COL20A1: variants seen among roughly 807,000 people sequenced by gnomAD.
COL20A1 encodes collagen alpha-1(XX) chain.
COL20A1 carries 164 observed loss-of-function variants against 152.9 expected under a neutral mutation model. The observed-to-expected ratio is 1.07, with a 90% CI of 0.94 to 1.22. The LOEUF is 1.22. Ranked by LOEUF, COL20A1 falls within the 50% of genes most tolerant of loss-of-function variation. COL20A1 has a pLI of 0.00. For missense variants in COL20A1, 1,873 were observed against 1,744.8 expected (o/e 1.07, Z -1.31); for synonymous variants, 864 against 756.0 (o/e 1.14, Z -2.34).
At chr20:63,297,046 C>T (rs2123370181) in intron 2 of COL20A1, among the ~76,000 whole-genome samples, 1 of 152,354 alleles carries the variant, frequency 6.6e-6, no homozygotes, top group South Asian at 2.1e-4. Flanking sequence ...ACCCATCCCC[C>T]ATCGCGGGAG....
Position 63,331,544 on chromosome 20 carries a change from C to T in COL20A1, c.*828C>T, listed in dbSNP as rs117413284. ...CTCTGCCCAGGTCTCTCCCAACCAT[C>T]ACAGACGCTGTGTGAGCCTGGACTT... On this transcript the variant is annotated 3_prime_UTR_variant, in exon 36 of 36. Transcript: ENST00000358894. 0.041 allele frequency: 6,212 copies of T among 152,436 alleles called. 189 individuals are homozygous for T. Among genetic ancestry groups the T allele is most frequent in the Non-Finnish European group, 0.063 (4,290 of 68,098 alleles). 9.4% of individuals were successfully genotyped at this position (152,436 alleles called of 1,614,324 possible).
Position 63,328,335 on chromosome 20 carries a change from C to T in COL20A1, c.3618C>T (p.His1206=), listed in dbSNP as rs2273495. ...TLYQLVSQAS[H]VSKFDSFHEN... is the part of the protein sequence containing the mutation. The stretch of plus-strand genomic sequence containing the variant: ...TGACACCCCTCCTCCCCACAGCACA[C>T]GTGTCAAAGTTCGACTCCTTCCACG... Residue 1206 remains histidine, a synonymous_variant, in exon 34 of 36, where the codon CAC becomes CAT. Coordinates refer to ENST00000358894, the MANE Select transcript of COL20A1 (RefSeq NM_020882.4). 154 of 1,611,054 alleles carry T rather than the reference C, an allele frequency of 9.6e-5. No individual in the cohort carries two copies. In the East Asian group the frequency reaches 2.3e-3, roughly 24 times the overall value.
rs759584437 is a variant in COL20A1 at position 63,313,141 on chromosome 20, A to C, written c.2101A>C (p.Thr701Pro). Residue 701 changes from threonine to proline, a missense_variant, in exon 17 of 36, where the codon ACG becomes CCG. By Grantham distance (38) the Thr-to-Pro change is conservative (BLOSUM62 -1). Transcript: ENST00000358894. This position sits in a 1 kb window ranked among gnomAD's most constrained non-coding sequence, Gnocchi z 5.9. ...GATCTCTGTCCCAGGGAACCTCGGC[A>C]CGGCCGTCCTGCCTGGCCTAGGGAG... ...HEISVPGNLG[T>P]AVLPGLGRHT... 5 of 1,610,948 alleles carry C rather than the reference A, an allele frequency of 3.1e-6. No individual in the cohort carries two copies. Among genetic ancestry groups the C allele is most frequent in the Middle Eastern group, 3.3e-4 (2 of 6,082 alleles).
In COL20A1 at chr20:63,309,760, G is replaced by T. The variant is rs2067979517; in HGVS notation, c.1108G>T (p.Ala370Ser). ...CCCCACTCCCGCTACTCCAGCAGCA[G>T]CGGCTCCAGCCCTGGACACCCTCCC... ...QGGSPRQGPA[A>S]APALDTLPAP... The change falls in exon 10 of 36, where the codon GCG becomes TCG. Residue 370 changes from alanine to serine, a missense_variant and splice_region_variant. Coordinates refer to ENST00000358894, the MANE Select transcript of COL20A1 (RefSeq NM_020882.4). 11 of 1,571,946 alleles carry T rather than the reference G, an allele frequency of 7.0e-6. No homozygotes were observed. Among genetic ancestry groups the T allele is most frequent in the Non-Finnish European group, 9.5e-6 (11 of 1,161,848 alleles).
chr20:63,308,434 A>G (rs949676502), intron 7 of COL20A1, 108 bp from the exon 8 acceptor site: 2 of 1,131,940 alleles, frequency 1.8e-6, no homozygotes, highest in Non-Finnish European at 2.4e-6. Context: ...GCCTCCTGAT[A>G]CCCCACAAGG....
chr20:63,294,735 G>T (rs569172939), intron 1 of COL20A1, among the ~76,000 whole-genome samples: 1 of 152,096 alleles, frequency 6.6e-6, no homozygotes, highest in Non-Finnish European at 1.5e-5. Flanking sequence ...CGTGGCCCTC[G>T]GGAGCCCCAC....
At chr20:63,328,197 C>A (rs2068280499) in intron 33 of COL20A1, 70 bp downstream of exon 33, 1 of 1,589,962 alleles carries the variant, frequency 6.3e-7, no homozygotes, top group African/African-American at 1.3e-5. Context: ...TGTCTGTCCT[C>A]ACACTGGCCA....
At chr20:63,321,340 G>A (rs548168827) in intron 26 of COL20A1, among the ~76,000 whole-genome samples, 2 of 152,284 alleles carry the variant, frequency 1.3e-5, no homozygotes, top group East Asian at 1.9e-4. Context: ...CCTCTAGTGC[G>A]GAATCCAGTG....
Position 63,309,874 on chromosome 20 carries a change from C to G in COL20A1, c.1222C>G (p.Leu408Val), listed in dbSNP as rs1466161733. The change falls in exon 10 of 36, where the codon CTG becomes GTG. Residue 408 changes from leucine (L) to valine (V), a missense_variant. Physicochemically the swap from Leu to Val is conservative, Grantham distance 32. Transcript: ENST00000358894. ...AGCCCCCCGGCACCCCCTCAAGTATCTGATCGTTTGGCGAGCCTCTAGAGG... is the reference window on the plus strand; with the variant it reads ...AGCCCCCCGGCACCCCCTCAAGTATGTGATCGTTTGGCGAGCCTCTAGAGG... Reference protein sequence around the residue: ...TPAPRHPLKYLIVWRASRGGT... With the variant: ...TPAPRHPLKYVIVWRASRGGT... The G allele has an allele frequency of 6.2e-7, 1 of 1,611,364 alleles. No individual in the cohort carries two copies. Among genetic ancestry groups the G allele is most frequent in the Non-Finnish European group, 8.5e-7 (1 of 1,179,296 alleles).
intron 9 of COL20A1, 68 bp downstream of exon 9, chr20:63,309,565 C>T (rs1376673690): frequency 4.4e-5 from 61 of 1,384,948 alleles, no homozygotes; most frequent in Non-Finnish European, 5.1e-5. Flanking sequence ...GTTGGGGGGA[C>T]GCTGTGGCTC....
chr20:63,325,388 C>T (rs780806642), intron 27 of COL20A1, 53 bp from the exon 28 acceptor site: 5 of 1,394,482 alleles, frequency 3.6e-6, no homozygotes, highest in Admixed American at 3.4e-5. Context: ...CTTCCCTGCC[C>T]TCCTGCCCTG....
chr20:63,295,271 C>T (rs1170180300), intron 2 of COL20A1, 82 bp downstream of exon 2: 1 of 861,728 alleles, frequency 1.2e-6, no homozygotes, highest in African/African-American at 1.7e-5. Flanking sequence ...AGCCCTCCGC[C>T]CCTGAGCCCC....
intron 21 of COL20A1, among the ~76,000 whole-genome samples, chr20:63,317,314 A>C (rs1459053012): frequency 6.6e-6 from 1 of 151,864 alleles, no homozygotes; most frequent in African/African-American, 2.4e-5. Flanking sequence ...TAAACAAACA[A>C]ACTTAGCTGG....
At chr20:63,309,942 C>T (rs779345310) in intron 10 of COL20A1, 27 bp downstream of exon 10, 3 of 1,561,820 alleles carry the variant, frequency 1.9e-6, no homozygotes, top group Non-Finnish European at 2.6e-6. Context: ...ACAGGGCTCC[C>T]CGAGCCGGTC....
intron 11 of COL20A1, 150 bp downstream of exon 11, chr20:63,310,660 A>G: frequency 1.1e-6 from 1 of 879,646 alleles, no homozygotes; most frequent in Non-Finnish European, 1.7e-6. Flanking sequence ...CTGTGTGACC[A>G]AGGCCGAGTC....
Position 63,316,659 on chromosome 20 carries a change from C to T in COL20A1, c.2631C>T (p.Leu877=), listed in dbSNP as rs746864149. 2 of 1,574,416 alleles carry T rather than the reference C, an allele frequency of 1.3e-6. No homozygotes were observed. Among genetic ancestry groups the T allele is most frequent in the Non-Finnish European group, 1.7e-6 (2 of 1,160,720 alleles). Residue 877 remains leucine, a synonymous_variant, in exon 21 of 36, where the codon CTC becomes CTT. Transcript: ENST00000358894. Reference sequence around the variant, plus strand: ...TCGGTGGGACCCCGACCTTCACGCTCTTCAAGGACGCCCAGCTGACAAGAC... The same window carrying T: ...TCGGTGGGACCCCGACCTTCACGCTTTTCAAGGACGCCCAGCTGACAAGAC... ...SAFGGTPTFT[L]FKDAQLTRRV...
At chr20:63,323,704 C>T (rs1178043371) in intron 27 of COL20A1, among the ~76,000 whole-genome samples, 2 of 152,182 alleles carry the variant, frequency 1.3e-5, no homozygotes, top group African/African-American at 4.8e-5. Flanking sequence ...CAGTCTGTCC[C>T]GTTGATGTGT....
rs2067929340 is a variant in COL20A1, at chr20:63,306,626, G to C, written c.496+587G>C. Among the ~76,000 whole-genome samples the C allele has an allele frequency of 6.6e-6, 1 of 152,200 alleles. No homozygotes were observed. Among genetic ancestry groups the C allele is most frequent in the Non-Finnish European group, 1.5e-5 (1 of 68,034 alleles). On this transcript the variant is annotated intron_variant, in intron 5 of 35. Coordinates refer to ENST00000358894, the MANE Select transcript of COL20A1 (RefSeq NM_020882.4). This position sits in a 1 kb window ranked among gnomAD's most constrained non-coding sequence, Gnocchi z 6.9. ...GCGTGGAGAGGTAGAGCCACACCAG[G>C]ACAGAAGAGAAGCCAGGTAAGGGGT...
intron 2 of COL20A1, 30 bp downstream of exon 2, chr20:63,295,219 G>A (rs975181953): frequency 1.3e-6 from 2 of 1,482,242 alleles, no homozygotes; most frequent in Non-Finnish European, 1.8e-6. Context: ...GCCCCTGCTT[G>A]CCCCGAGGCC....
Sources: allele counts gnomAD v4.1 joint callset (sites outside exome capture counted in the v4.1 genomes callset), GRCh38; gene constraint gnomAD v4.1.1; non-coding constraint Gnocchi (gnomAD v3.1); transcripts MANE v1.5; gene names NCBI Gene and HGNC (gene_info 2026-07-23, HGNC 2026-07-21).